Variants in COMMD10 observed in about 807,000 individuals in gnomAD.
COMMD10 encodes COMM domain containing 10.
Under a neutral mutation model 28.9 loss-of-function variants are expected in COMMD10, and 33 were observed. The ratio of observed to expected loss-of-function variants is 1.14; its 90% CI spans 0.87 to 1.53. The LOEUF (loss-of-function observed/expected upper bound fraction) is 1.53, where lower values mean the gene tolerates loss of function less well. COMMD10 is among the 40% of genes most tolerant of loss of function. The pLI is 0.00. For synonymous variants in COMMD10, 110 were observed against 81.7 expected (o/e 1.35, Z -1.87); for missense variants, 310 against 233.4 (o/e 1.33, Z -2.14).
At chr5:116,160,225 G>A (rs72804850) in intron 5 of COMMD10, among the ~76,000 whole-genome samples, 8,058 of 152,202 alleles carry the variant, frequency 0.053, 295 homozygotes, top group East Asian at 0.14. Context: ...TTAGATATAC[G>A]TGTTACAGAA....
intron 5 of COMMD10, among the ~76,000 whole-genome samples, chr5:116,203,286 G>A (rs1241292055): frequency 6.6e-6 from 1 of 152,044 alleles, no homozygotes; most frequent in Non-Finnish European, 1.5e-5. Flanking sequence ...AAAGTGACAG[G>A]GAGAATGGAA....
chr5:116,202,086 T>C (rs913733153), intron 5 of COMMD10, among the ~76,000 whole-genome samples: 2 of 138,248 alleles, frequency 1.4e-5, no homozygotes, highest in African/African-American at 2.7e-5. Flanking sequence ...CCTTCCTGTG[T>C]CCATGTGTTC....
intron 4 of COMMD10, among the ~76,000 whole-genome samples, chr5:116,106,012 T>G (rs1431575873): frequency 6.6e-6 from 1 of 152,134 alleles, no homozygotes; most frequent in Admixed American, 6.5e-5. Flanking sequence ...CTTTTGAATT[T>G]GTTTGCTCTT....
chr5:116,099,012 C>G (rs1750560539), intron 4 of COMMD10, among the ~76,000 whole-genome samples: 1 of 152,092 alleles, frequency 6.6e-6, no homozygotes, highest in African/African-American at 2.4e-5. Flanking sequence ...TCTTTGAAAA[C>G]TTAAAGTAAA....
At chr5:116,277,653 G>C (rs564585423) in intron 5 of COMMD10, among the ~76,000 whole-genome samples, 1 of 151,784 alleles carries the variant, frequency 6.6e-6, no homozygotes, top group African/African-American at 2.4e-5. Flanking sequence ...TGCTGAACTT[G>C]CCCTTTTTAA....
chr5:116,214,425 A>T (rs1440002743), intron 5 of COMMD10, among the ~76,000 whole-genome samples: 1 of 152,128 alleles, frequency 6.6e-6, no homozygotes, highest in African/African-American at 2.4e-5. Flanking sequence ...CACATTGGTT[A>T]TGTTAATAAA....
intron 5 of COMMD10, among the ~76,000 whole-genome samples, chr5:116,158,849 T>A (rs1752825768): frequency 7.9e-6 from 1 of 126,666 alleles, no homozygotes; most frequent in South Asian, 2.2e-4. Context: ...TTGCAAACAG[T>A]TGTTTTTTTT....
chr5:116,270,707 T>A (rs1750730513), intron 5 of COMMD10, among the ~76,000 whole-genome samples: 1 of 151,388 alleles, frequency 6.6e-6, no homozygotes, highest in African/African-American at 2.4e-5. Context: ...GAGGCCGAGG[T>A]GGATGGATCA....
intron 5 of COMMD10, among the ~76,000 whole-genome samples, chr5:116,159,222 T>G (rs2136208): frequency 0.11 from 16,395 of 152,258 alleles, 984 homozygotes; most frequent in African/African-American, 0.15. Flanking sequence ...TCTAAACTCA[T>G]GCTGCCTATT....
intron 5 of COMMD10, among the ~76,000 whole-genome samples, chr5:116,163,090 C>T (rs183359284): frequency 1.7e-3 from 258 of 151,718 alleles, no homozygotes; most frequent in African/African-American, 5.9e-3. Flanking sequence ...AAAGACTAAG[C>T]TAAAGGAAAT....
chr5:116,210,186 C>A (rs1748922425), intron 5 of COMMD10, among the ~76,000 whole-genome samples: 1 of 152,168 alleles, frequency 6.6e-6, no homozygotes, highest in Non-Finnish European at 1.5e-5. Context: ...ACCTAATCAC[C>A]TCCTAAAGGT....
At chr5:116,242,062 C>G (rs1442848326) in intron 5 of COMMD10, among the ~76,000 whole-genome samples, 1 of 152,122 alleles carries the variant, frequency 6.6e-6, no homozygotes, top group Non-Finnish European at 1.5e-5. Context: ...GAGTTATCTC[C>G]TAAGGTAACT....
chr5:116,282,816 C>T (rs1354991782), intron 5 of COMMD10, among the ~76,000 whole-genome samples: 1 of 151,878 alleles, frequency 6.6e-6, no homozygotes, highest in Non-Finnish European at 1.5e-5. Flanking sequence ...CCTTAATTAC[C>T]TCCAAGCTCT....
Position 116,217,664 on chromosome 5 carries a change from C to T in COMMD10, c.511-73853C>T, listed in dbSNP as rs147498426. Among the ~76,000 whole-genome samples the T allele has an allele frequency of 4.3e-4, 65 of 152,230 alleles. 1 individual carries two copies. The highest frequency in any genetic ancestry group is 1.5e-3 in the African/African-American group (63 of 41,528). ...TGGGCTTAAGGGAGTTAAGTCTGTG[C>T]TGATAGATGGGAAGGGAGAAGAGAG... On this transcript the variant is annotated intron_variant, in intron 5 of 6. Transcript: ENST00000274458.
At chr5:116,102,064 C>G (rs1750683772) in intron 4 of COMMD10, among the ~76,000 whole-genome samples, 5 of 152,146 alleles carry the variant, frequency 3.3e-5, no homozygotes, top group Admixed American at 3.3e-4. Context: ...CTTAGTTTAA[C>G]TAAGTTCCAT....
intron 4 of COMMD10, among the ~76,000 whole-genome samples, chr5:116,126,009 G>C (rs1451348978): frequency 1.3e-5 from 2 of 152,178 alleles, no homozygotes; most frequent in Non-Finnish European, 2.9e-5. Flanking sequence ...CAGATGAGAT[G>C]ATTGTATATT....
At chr5:116,257,034 G>T (rs546337511) in intron 5 of COMMD10, among the ~76,000 whole-genome samples, 2 of 151,838 alleles carry the variant, frequency 1.3e-5, no homozygotes, top group South Asian at 4.1e-4. Flanking sequence ...TACCTACAGT[G>T]CTGTTTTTGT....
At chr5:116,146,271 C>T (rs1752346304) in intron 5 of COMMD10, among the ~76,000 whole-genome samples, 1 of 151,796 alleles carries the variant, frequency 6.6e-6, no homozygotes. Flanking sequence ...TGATCTCTTG[C>T]TTCCTTGGTT....
At chr5:116,146,592 T>C (rs1462878947) in intron 5 of COMMD10, among the ~76,000 whole-genome samples, 4 of 151,816 alleles carry the variant, frequency 2.6e-5, no homozygotes, top group African/African-American at 9.7e-5. Context: ...ATAAAAGGAG[T>C]TGACAAACAC....
Sources: allele counts gnomAD v4.1 joint callset (sites outside exome capture counted in the v4.1 genomes callset), GRCh38; gene constraint gnomAD v4.1.1; transcripts MANE v1.5; gene names NCBI Gene and HGNC (gene_info 2026-07-23, HGNC 2026-07-21).